Variants in EFR3A observed in about 807,000 individuals in gnomAD.
The protein encoded by EFR3A is EFR3 homolog A.
EFR3A carries 76 observed loss-of-function variants against 104.4 expected under a neutral mutation model. The observed-to-expected ratio is 0.73, with a 90% confidence interval of 0.60 to 0.88. The LOEUF (loss-of-function observed/expected upper bound fraction) is 0.88, where lower values mean the gene tolerates loss of function less well. Among genes scored for constraint, EFR3A ranks in the 40% least tolerant of loss-of-function variants. The probability of loss-of-function intolerance (pLI) is 0.00; values close to 1 mark genes in which losing one functional copy is unlikely to be tolerated. For synonymous variants in EFR3A, 330 were observed against 330.0 expected (o/e 1.00, Z 0.00); for missense variants, 985 against 1,012.5 (o/e 0.97, Z 0.37).
intron 1 of EFR3A, among the ~76,000 whole-genome samples, chr8:131,920,653 G>A (rs1478891569): frequency 6.6e-6 from 1 of 151,354 alleles, no homozygotes; most frequent in African/African-American, 2.4e-5. Flanking sequence ...TTTTGACGAC[G>A]TTGCTTTAGT....
At chr8:131,994,168 A>G in intron 18 of EFR3A, among the ~76,000 whole-genome samples, 1 of 152,044 alleles carries the variant, frequency 6.6e-6, no homozygotes, top group East Asian at 1.9e-4. Context: ...ACGTGAGCCC[A>G]AGAGTTTGAG....
intron 2 of EFR3A, among the ~76,000 whole-genome samples, chr8:131,943,664 T>C (rs1563648827): frequency 1.3e-5 from 2 of 151,970 alleles, no homozygotes; most frequent in African/African-American, 4.8e-5. Flanking sequence ...TTGTGAGATA[T>C]TTAGGAACAT....
At chr8:131,998,354 A>G (rs1821602161) in intron 19 of EFR3A, among the ~76,000 whole-genome samples, 1 of 152,056 alleles carries the variant, frequency 6.6e-6, no homozygotes, top group Non-Finnish European at 1.5e-5. Context: ...TGTTTGATCA[A>G]AATTATTTAT....
At chr8:131,952,133 TACCACC>T (rs916628157) in intron 5 of EFR3A, among the ~76,000 whole-genome samples, 1 of 151,734 alleles carries the variant, frequency 6.6e-6, no homozygotes, top group Non-Finnish European at 1.5e-5. Context: ...TGGTAGAAAT[TACCACC>T]ACCACCACCA....
At chr8:131,924,157 AC>A in intron 1 of EFR3A, 3 of 431,586 alleles carry the variant, frequency 7.0e-6, no homozygotes, top group East Asian at 7.5e-5. Context: ...ATCATTTATT[AC>A]CAGAGTATGA....
At chr8:131,914,647 T>A (rs1421419369) in intron 1 of EFR3A, among the ~76,000 whole-genome samples, 1 of 152,040 alleles carries the variant, frequency 6.6e-6, no homozygotes, top group African/African-American at 2.4e-5. Flanking sequence ...GTTTTTTTTT[T>A]AACTTTTATT....
At chr8:131,927,507 G>A (rs1817359916) in intron 1 of EFR3A, among the ~76,000 whole-genome samples, 1 of 152,106 alleles carries the variant, frequency 6.6e-6, no homozygotes, top group Admixed American at 6.6e-5. Flanking sequence ...TGCATGAAAA[G>A]TTAAATATTA....
At chr8:131,943,300 T>G (rs779603147) in intron 2 of EFR3A, among the ~76,000 whole-genome samples, 8 of 152,096 alleles carry the variant, frequency 5.3e-5, no homozygotes, top group Non-Finnish European at 7.4e-5. Context: ...TATACAACTG[T>G]CACATTTCCA....
At chr8:131,905,385 G>A (rs1349256972) in intron 1 of EFR3A, among the ~76,000 whole-genome samples, 2 of 152,008 alleles carry the variant, frequency 1.3e-5, no homozygotes, top group Admixed American at 1.3e-4. Context: ...GTTATTTCTT[G>A]ATATTATAAA....
At chr8:131,933,217 G>C (rs1817704312) in intron 1 of EFR3A, among the ~76,000 whole-genome samples, 1 of 152,090 alleles carries the variant, frequency 6.6e-6, no homozygotes, top group Non-Finnish European at 1.5e-5. Flanking sequence ...TACCTCTGTA[G>C]ATTGGGACAC....
At chr8:132,003,315 A>G in intron 22 of EFR3A, 30 bp downstream of exon 22, 3 of 1,537,934 alleles carry the variant, frequency 2.0e-6, no homozygotes, top group Non-Finnish European at 2.7e-6. Flanking sequence ...AATAGCAATA[A>G]CACACACACA....
Position 132,011,477 on chromosome 8 carries a change from T to C in EFR3A, c.*582T>C. 1.1e-6 allele frequency: 1 copy of C among 932,146 alleles called. No individual in the cohort carries two copies. The highest frequency in any genetic ancestry group is 1.3e-6 in the Non-Finnish European group (1 of 781,512). 57.7% of individuals were successfully genotyped at this position (932,146 alleles called of 1,614,324 possible). ...CTTCTTCACAATAATAGGACATCTG[T>C]TGAATAGCATTCCTCGAATATAACC... On this transcript the variant is annotated 3_prime_UTR_variant, in exon 23 of 23. Coordinates refer to ENST00000254624, the MANE Select transcript of EFR3A (RefSeq NM_015137.6).
At chr8:131,927,543 A>G (rs996743999) in intron 1 of EFR3A, among the ~76,000 whole-genome samples, 9 of 150,034 alleles carry the variant, frequency 6.0e-5, no homozygotes, top group African/African-American at 1.9e-4. Context: ...ATTTGGTGCT[A>G]ATATGATTTT....
chr8:131,970,418 G>A (rs1586626722), intron 9 of EFR3A, 58 bp from the exon 10 acceptor site: 2 of 1,480,742 alleles, frequency 1.4e-6, no homozygotes, highest in East Asian at 2.3e-5. Context: ...TAAGGTAATT[G>A]ACTTCAAATA....
intron 3 of EFR3A, 150 bp downstream of exon 3, chr8:131,945,022 A>T: frequency 1.1e-6 from 1 of 926,506 alleles, no homozygotes. Flanking sequence ...AATATATAAT[A>T]CTCCAATAGA....
In EFR3A at chr8:131,978,896, C is replaced by CT. The variant is rs1159111798; in HGVS notation, c.1379dup (p.Leu461ProfsTer25). 6.2e-7 allele frequency: 1 copy of CT among 1,611,806 alleles called. No individual in the cohort carries two copies. The highest frequency in any genetic ancestry group is 2.2e-5 in the East Asian group (1 of 44,810). On this transcript the variant is annotated frameshift_variant, in exon 13 of 23. Coordinates refer to ENST00000254624, the MANE Select transcript of EFR3A (RefSeq NM_015137.6). LOFTEE classifies it high-confidence loss of function. ...ACGATTGTTACTGCACTGCCAGGGT[C>CT]TTTCCTGGATCCTTTGTTATCACCA...
At position 131,975,139 on chromosome 8, in the gene EFR3A, G is replaced by A. The variant is rs180848237; in HGVS notation, c.1160-888G>A. On this transcript the variant is annotated intron_variant, in intron 10 of 22. Coordinates refer to ENST00000254624, the MANE Select transcript of EFR3A (RefSeq NM_015137.6). ...TATTCTCAGAAACTAGACTGCATAA[G>A]AAAAATGACAAGTAAGTTATTTACT... Among the ~76,000 whole-genome samples, 808 of 152,190 alleles carry A rather than the reference G, an allele frequency of 5.3e-3. 11 individuals are homozygous for A. Among genetic ancestry groups the A allele is most frequent in the African/African-American group, 0.018 (766 of 41,518 alleles).
chr8:131,949,584 A>G (rs1818598356), intron 4 of EFR3A, among the ~76,000 whole-genome samples: 2 of 152,126 alleles, frequency 1.3e-5, no homozygotes, highest in Non-Finnish European at 2.9e-5. Flanking sequence ...CAGGAGGATC[A>G]TTTGAGGCCA....
intron 14 of EFR3A, 100 bp from the exon 15 acceptor site, chr8:131,984,039 A>G (rs565871432): frequency 4.1e-6 from 4 of 970,194 alleles, no homozygotes; most frequent in Admixed American, 3.8e-5. Flanking sequence ...ATGTTAAGCT[A>G]TATAATAACA....
Sources: gnomAD v4.1 joint callset for allele counts (sites outside exome capture counted in the v4.1 genomes callset) on GRCh38, gnomAD v4.1.1 for gene constraint, MANE v1.5 for transcripts, NCBI Gene and HGNC (gene_info 2026-07-23, HGNC 2026-07-21) for gene names.